Variants in SND1 observed in about 807,000 individuals in gnomAD.
SND1 encodes staphylococcal nuclease and tudor domain containing 1.
A neutral mutation model predicts 121.7 loss-of-function variants in SND1; 38 were observed. That is an observed-to-expected ratio of 0.31 (90% CI 0.24 to 0.41). The LOEUF (loss-of-function observed/expected upper bound fraction) is 0.41. Ranked by LOEUF, SND1 falls within the 10% of genes least tolerant of loss-of-function variation. The pLI is 1.00. For missense variants in SND1, 868 were observed against 1,184.6 expected, an observed-to-expected ratio of 0.73 and a Z score of 3.92; for synonymous variants, 401 against 447.4, an observed-to-expected ratio of 0.90 and a Z score of 1.31.
chr7:127,940,429 TAATAGTAG>T (rs1801169057), intron 15 of SND1, among the ~76,000 whole-genome samples: 1 of 152,164 alleles, frequency 6.6e-6, no homozygotes, highest in Non-Finnish European at 1.5e-5. Flanking sequence ...TTGGTCAGAC[TAATAGTAG>T]AAAATGGCAG....
chr7:127,690,939 G>C (rs1368239365), intron 2 of SND1, among the ~76,000 whole-genome samples: 1 of 152,130 alleles, frequency 6.6e-6, no homozygotes, highest in African/African-American at 2.4e-5. Flanking sequence ...TGTCTCTTAA[G>C]TCCTGTGGCA....
At chr7:127,703,059 GTT>G in intron 6 of SND1, 104 bp from the exon 7 acceptor site, 1 of 1,260,980 alleles carries the variant, frequency 7.9e-7, no homozygotes, top group South Asian at 1.3e-5. Flanking sequence ...ACCTTCCTGA[GTT>G]TAGCTTCGTG....
At chr7:127,734,763 C>A (rs993462364) in intron 10 of SND1, among the ~76,000 whole-genome samples, 1 of 152,154 alleles carries the variant, frequency 6.6e-6, no homozygotes, top group Non-Finnish European at 1.5e-5. Flanking sequence ...TGAGGCCTTA[C>A]AGTAGTCTTC....
chr7:127,977,716 G>A (rs564419073), intron 15 of SND1, among the ~76,000 whole-genome samples: 4 of 152,170 alleles, frequency 2.6e-5, no homozygotes, highest in African/African-American at 4.8e-5. Flanking sequence ...CAGGTAGATC[G>A]ATCAGAAGAT....
chr7:127,882,802 A>G (rs1163192536), intron 12 of SND1, among the ~76,000 whole-genome samples: 2 of 152,184 alleles, frequency 1.3e-5, no homozygotes, highest in Non-Finnish European at 2.9e-5. Flanking sequence ...ATTGTGTGCC[A>G]TGACATTATG....
rs542550097 is a variant in SND1, at chr7:127,814,359, T to A, written c.1242+6786T>A. Among the ~76,000 whole-genome samples, 6 of 152,254 alleles carry A rather than the reference T, an allele frequency of 3.9e-5. No homozygotes were observed. The South Asian group carries it at 8.3e-4, about 21-fold the overall frequency. On this transcript the variant is annotated intron_variant, in intron 11 of 23. Transcript: ENST00000354725. ...AACCCTTATGTGCCAAAAAACCCTA[T>A]AAAATGTGCTGAATTGCAAATCTTC...
chr7:127,874,636 A>T (rs1799657976), intron 12 of SND1, among the ~76,000 whole-genome samples: 2 of 152,158 alleles, frequency 1.3e-5, no homozygotes, highest in South Asian at 4.2e-4. Flanking sequence ...AAAAATAAGG[A>T]ATGAAGGAAA....
intron 16 of SND1, among the ~76,000 whole-genome samples, chr7:127,992,847 C>T (rs767682093): frequency 4.6e-5 from 7 of 152,122 alleles, no homozygotes; most frequent in Admixed American, 3.3e-4. Flanking sequence ...ATGGTTATTG[C>T]GACCTTACCT....
chr7:127,940,726 A>G (rs1421011385), intron 15 of SND1, among the ~76,000 whole-genome samples: 2 of 152,176 alleles, frequency 1.3e-5, no homozygotes, highest in Non-Finnish European at 2.9e-5. Context: ...GTTTCTTTCA[A>G]AAGTTTTTCT....
chr7:127,844,351 C>G lies in SND1; in HGVS notation c.1270C>G (p.Pro424Ala). ...CAATGTGACGGTGGACTACATTAGA[C>G]CAGCCAGCCCAGCCACAGAGACAGT... ...KVNVTVDYIR[P>A]ASPATETVPA... Residue 424 changes from proline (P) to alanine (A), a missense_variant, in exon 12 of 24, where the codon CCA becomes GCA. Physicochemically the swap from Pro to Ala is conservative, Grantham distance 27. Around this residue, in one of 2 missense-constraint regions of SND1, gnomAD observed 743 missense variants for 1,071.3 expected, o/e 0.69. Transcript: ENST00000354725. The G allele has an allele frequency of 6.2e-7, 1 of 1,613,346 alleles. No homozygotes were observed. The highest frequency in any genetic ancestry group is 8.5e-7 in the Non-Finnish European group (1 of 1,179,666).
chr7:127,730,531 T>C (rs976222329), intron 10 of SND1, among the ~76,000 whole-genome samples: 6 of 152,234 alleles, frequency 3.9e-5, no homozygotes, highest in African/African-American at 1.4e-4. Context: ...AGCAGAAATA[T>C]CCCCTTTATG....
intron 18 of SND1, among the ~76,000 whole-genome samples, chr7:128,082,605 C>T (rs991407825): frequency 2.0e-5 from 3 of 152,212 alleles, no homozygotes; most frequent in African/African-American, 7.2e-5. Context: ...TTGAGGTCAG[C>T]CACAGTCCTG....
intron 10 of SND1, among the ~76,000 whole-genome samples, chr7:127,796,345 C>T (rs971212529): frequency 1.3e-5 from 2 of 151,904 alleles, no homozygotes; most frequent in African/African-American, 4.8e-5. Context: ...TTATTAAATC[C>T]CATAATCACA....
intron 17 of SND1, among the ~76,000 whole-genome samples, chr7:128,076,330 T>A (rs1280473931): frequency 3.3e-5 from 5 of 152,228 alleles, no homozygotes. Flanking sequence ...GAGGAGTAAT[T>A]ACCAGTGATT....
Position 128,043,933 on chromosome 7 carries a change from A to G in SND1, c.1780-30569A>G, listed in dbSNP as rs149227962. 3.7e-3 allele frequency among the ~76,000 whole-genome samples: 566 copies of G among 152,136 alleles called. 6 individuals carry two copies. The highest frequency in any genetic ancestry group is 0.013 in the African/African-American group (536 of 41,500). On this transcript the variant is annotated intron_variant, in intron 16 of 23. Transcript: ENST00000354725. Reference sequence around the variant, plus strand: ...CTTAGAGTGTCTATTAAATAAGACAATGTAACCAAACAAATATTTTTCTTC... The same window carrying G: ...CTTAGAGTGTCTATTAAATAAGACAGTGTAACCAAACAAATATTTTTCTTC...
chr7:127,990,451 A>G (rs1183085526), intron 15 of SND1, among the ~76,000 whole-genome samples: 1 of 152,222 alleles, frequency 6.6e-6, no homozygotes, highest in Non-Finnish European at 1.5e-5. Flanking sequence ...TTATTTGAAG[A>G]GAAAAGTGAC....
intron 16 of SND1, among the ~76,000 whole-genome samples, chr7:128,051,929 G>A (rs560829863): frequency 1.4e-4 from 22 of 152,178 alleles, no homozygotes; most frequent in Non-Finnish European, 3.1e-4. Flanking sequence ...TAAAAAAAAT[G>A]GATCAGATGT....
At chr7:127,893,106 TAGTG>T (rs1305261831) in intron 13 of SND1, among the ~76,000 whole-genome samples, 3 of 152,110 alleles carry the variant, frequency 2.0e-5, no homozygotes, top group African/African-American at 4.8e-5. Flanking sequence ...ATTTCCAAGA[TAGTG>T]AGTCATTACC....
At chr7:127,722,537 A>T (rs1233855037) in intron 10 of SND1, among the ~76,000 whole-genome samples, 3 of 151,900 alleles carry the variant, frequency 2.0e-5, no homozygotes, top group Non-Finnish European at 2.9e-5. Context: ...GATAAAAAAA[A>T]TCCCTTTTGT....
Sources: gnomAD v4.1 joint callset for allele counts (sites outside exome capture counted in the v4.1 genomes callset) on GRCh38, gnomAD v4.1.1 for gene constraint, gnomAD v4.1.1 regional missense constraint, MANE v1.5 for transcripts, NCBI Gene and HGNC (gene_info 2026-07-23, HGNC 2026-07-21) for gene names.